Variants in ADGRL3 observed in about 807,000 individuals in gnomAD.
ADGRL3 encodes adhesion G protein-coupled receptor L3.
Under a neutral mutation model 153.5 loss-of-function variants are expected in ADGRL3, and 62 were observed. That is an observed-to-expected ratio of 0.40 (90% CI 0.33 to 0.50). ADGRL3 has a LOEUF of 0.50. Among genes scored for constraint, ADGRL3 ranks in the 20% least tolerant of loss-of-function variants. The pLI is 0.47. For synonymous variants in ADGRL3, 710 were observed against 672.5 expected, an observed-to-expected ratio of 1.06 and a Z score of -0.86; for missense variants, 1,641 against 1,859.4, an observed-to-expected ratio of 0.88 and a Z score of 2.16.
intron 11 of ADGRL3, among the ~76,000 whole-genome samples, chr4:61,901,268 A>C (rs772265177): frequency 1.1e-4 from 16 of 152,198 alleles, no homozygotes; most frequent in Non-Finnish European, 1.9e-4. Flanking sequence ...ATAGATTTCC[A>C]GATACCGCGA....
intron 3 of ADGRL3, among the ~76,000 whole-genome samples, chr4:61,508,086 T>C (rs1171863412): frequency 6.6e-6 from 1 of 152,146 alleles, no homozygotes; most frequent in Non-Finnish European, 1.5e-5. Flanking sequence ...AGGTACATAA[T>C]ATGGATTTTA....
chr4:61,514,729 A>G (rs1390496613), intron 3 of ADGRL3, among the ~76,000 whole-genome samples: 1 of 152,150 alleles, frequency 6.6e-6, no homozygotes, highest in Non-Finnish European at 1.5e-5. Context: ...AGTCGACTTA[A>G]GCTCCTGGTA....
At chr4:61,847,630 T>C (rs1369108225) in intron 9 of ADGRL3, among the ~76,000 whole-genome samples, 5 of 30,580 alleles carry the variant, frequency 1.6e-4, no homozygotes, top group South Asian at 6.3e-4. Context: ...TAATATAAAA[T>C]ATATTATATA....
At chr4:61,448,435 A>G (rs1328605175) in intron 2 of ADGRL3, among the ~76,000 whole-genome samples, 1 of 152,154 alleles carries the variant, frequency 6.6e-6, no homozygotes, top group East Asian at 1.9e-4. Flanking sequence ...TAGAGTCTGG[A>G]TGACCTTTGG....
At chr4:61,259,181 T>C (rs1290274219) in intron 1 of ADGRL3, among the ~76,000 whole-genome samples, 1 of 152,044 alleles carries the variant, frequency 6.6e-6, no homozygotes, top group Non-Finnish European at 1.5e-5. Flanking sequence ...TCCCAGCACT[T>C]TGGGAGGCCG....
At chr4:61,713,212 G>T (rs60459182) in intron 6 of ADGRL3, among the ~76,000 whole-genome samples, 2 of 151,796 alleles carry the variant, frequency 1.3e-5, no homozygotes, top group African/African-American at 2.4e-5. Context: ...ATGATATCTT[G>T]TGCTCATTTC....
At chr4:61,649,375 G>T (rs989703471) in intron 5 of ADGRL3, among the ~76,000 whole-genome samples, 13 of 151,994 alleles carry the variant, frequency 8.6e-5, no homozygotes, top group Non-Finnish European at 1.8e-4. Flanking sequence ...CATATTAAAG[G>T]TTTAAGGTTG....
At chr4:61,818,215 A>G (rs2097710179) in intron 9 of ADGRL3, among the ~76,000 whole-genome samples, 1 of 152,128 alleles carries the variant, frequency 6.6e-6, no homozygotes, top group South Asian at 2.1e-4. Flanking sequence ...AGCCATTCCA[A>G]ATGGAAGAAA....
At chr4:61,261,447 T>C (rs976570885) in intron 1 of ADGRL3, among the ~76,000 whole-genome samples, 4 of 152,158 alleles carry the variant, frequency 2.6e-5, no homozygotes, top group African/African-American at 9.7e-5. Flanking sequence ...AATTCAAGTT[T>C]GGTATCTGGG....
In ADGRL3 at chr4:62,072,143, G is replaced by C. The variant is rs1204002759; in HGVS notation, c.*1235G>C. On this transcript the variant is annotated 3_prime_UTR_variant, in exon 27 of 27. Coordinates refer to ENST00000683033, the MANE Select transcript of ADGRL3 (RefSeq NM_001387552.1). ...GAATGCTCAGTCTGATCAACAAGTGGGCACCTGCACTACCACTTTTTAGAG... is the reference window on the plus strand; with the variant it reads ...GAATGCTCAGTCTGATCAACAAGTGCGCACCTGCACTACCACTTTTTAGAG... The C allele has an allele frequency of 6.6e-6, 1 of 152,550 alleles. No individual in the cohort carries two copies. The highest frequency in any genetic ancestry group is 2.4e-5 in the African/African-American group (1 of 41,354). The allele number at this position is 152,550 out of a possible 1,614,324, so 9.4% of individuals were successfully genotyped here. A position where few individuals can be genotyped will look rare whatever the true frequency, so the allele number is the denominator to read the frequency against.
chr4:62,002,067 C>T (rs2099142381), intron 21 of ADGRL3, among the ~76,000 whole-genome samples: 1 of 151,910 alleles, frequency 6.6e-6, no homozygotes, highest in African/African-American at 2.4e-5. Context: ...CTATCATCTT[C>T]AGAATCACTG....
chr4:61,391,094 G>T (rs1295963721), intron 2 of ADGRL3, among the ~76,000 whole-genome samples: 3 of 152,226 alleles, frequency 2.0e-5, no homozygotes, highest in Middle Eastern at 3.4e-3. Context: ...GATTGTGTTA[G>T]TTCATTGGTA....
chr4:61,650,307 A>G (rs1297924048), intron 5 of ADGRL3, among the ~76,000 whole-genome samples: 1 of 152,264 alleles, frequency 6.6e-6, no homozygotes, highest in African/African-American at 2.4e-5. Flanking sequence ...CTCTCAAAAT[A>G]TTTACTGTAT....
chr4:61,955,597 G>A (rs2098963057), intron 17 of ADGRL3, among the ~76,000 whole-genome samples: 1 of 151,990 alleles, frequency 6.6e-6, no homozygotes, highest in Non-Finnish European at 1.5e-5. Context: ...TTAAGTTCCA[G>A]GATACATGTG....
At chr4:61,358,616 A>AAAG (rs2096231633) in intron 1 of ADGRL3, among the ~76,000 whole-genome samples, 1 of 150,920 alleles carries the variant, frequency 6.6e-6, no homozygotes, top group African/African-American at 2.4e-5. Flanking sequence ...AAAAAAAAAA[A>AAAG]AGAAAGCAGA....
chr4:61,244,604 C>T (rs1325717826), intron 1 of ADGRL3, among the ~76,000 whole-genome samples: 2 of 151,796 alleles, frequency 1.3e-5, no homozygotes, highest in African/African-American at 4.8e-5. Context: ...AATTAAAACC[C>T]ATTCTTGGAT....
chr4:61,947,255 T>G (rs1379313902), intron 16 of ADGRL3, 133 bp downstream of exon 16: 1 of 713,510 alleles, frequency 1.4e-6, no homozygotes, highest in Admixed American at 3.0e-5. Flanking sequence ...TACAATGTAG[T>G]GGTAATTTTT....
At position 61,807,870 on chromosome 4, in the gene ADGRL3, G is replaced by T. The variant is rs1056138767; in HGVS notation, c.1400-5939G>T. 2.0e-5 allele frequency among the ~76,000 whole-genome samples: 3 copies of T among 152,144 alleles called. No individual in the cohort carries two copies. In the East Asian group the frequency reaches 5.8e-4, roughly 29 times the overall value. On this transcript the variant is annotated intron_variant, in intron 8 of 26. Transcript: ENST00000683033. ...GCCCCAAATTGATTGTTAAAGCTGA[G>T]TGATAAGCGTGTACTTTTATTTTTT...
intron 5 of ADGRL3, among the ~76,000 whole-genome samples, chr4:61,617,171 T>G (rs990645755): frequency 1.3e-5 from 2 of 152,184 alleles, no homozygotes. Context: ...ATTCAGGTGG[T>G]CTGCATTGTT....
Sources: gnomAD v4.1 joint callset for allele counts (sites outside exome capture counted in the v4.1 genomes callset) on GRCh38, gnomAD v4.1.1 for gene constraint, MANE v1.5 for transcripts, NCBI Gene and HGNC (gene_info 2026-07-23, HGNC 2026-07-21) for gene names.